Variants in ZC3H3 observed in about 807,000 individuals in gnomAD.
ZC3H3 encodes zinc finger CCCH-type containing 3, also known as zinc finger CCCH domain-containing protein 3.
A neutral mutation model predicts 77.3 loss-of-function variants in ZC3H3; 36 were observed. That is an observed-to-expected ratio of 0.47 (90% CI 0.36 to 0.61). The LOEUF (loss-of-function observed/expected upper bound fraction) is 0.61. Among genes scored for constraint, ZC3H3 ranks in the 20% least tolerant of loss-of-function variants. The pLI is 0.00. For missense variants in ZC3H3, 1,331 were observed against 1,312.2 expected (o/e 1.01, Z -0.22); for synonymous variants, 626 against 555.2 (o/e 1.13, Z -1.79).
intron 8 of ZC3H3, among the ~76,000 whole-genome samples, chr8:143,466,262 G>A (rs933003259): frequency 2.0e-5 from 3 of 152,296 alleles, no homozygotes; most frequent in South Asian, 2.1e-4. Flanking sequence ...GTGGGAGGAC[G>A]AGCCACGGGC....
At position 143,467,577 on chromosome 8, in the gene ZC3H3, C is replaced by T. The variant is rs914073168; in HGVS notation, c.2175+632G>A. ...CCTCCCTCACCCAAGGCAGCCCTCA[C>T]TCCACTCGCATGCTGTGGTCACACC... On this transcript the variant is annotated intron_variant, in intron 8 of 11. Coordinates refer to ENST00000262577, the MANE Select transcript of ZC3H3 (RefSeq NM_015117.3). Among the ~76,000 whole-genome samples, 8 of 152,376 alleles carry T rather than the reference C, an allele frequency of 5.3e-5. No individual in the cohort carries two copies. The East Asian group carries it at 7.7e-4, about 15-fold the overall frequency.
intron 3 of ZC3H3, among the ~76,000 whole-genome samples, chr8:143,510,076 G>T (rs968764730): frequency 6.6e-6 from 1 of 152,194 alleles, no homozygotes; most frequent in Non-Finnish European, 1.5e-5. Context: ...ACACTCCTGC[G>T]CAGTGCTGGC....
chr8:143,505,942 G>A (rs773921187), intron 4 of ZC3H3, among the ~76,000 whole-genome samples: 3 of 152,226 alleles, frequency 2.0e-5, no homozygotes, highest in Non-Finnish European at 4.4e-5. Context: ...AGGGCAGCTG[G>A]CCAGGCTTCA....
intron 3 of ZC3H3, among the ~76,000 whole-genome samples, chr8:143,517,302 A>T (rs1822090175): frequency 2.0e-5 from 3 of 152,190 alleles, no homozygotes; most frequent in Admixed American, 2.0e-4. Flanking sequence ...GTGCAGGGGA[A>T]GGGAGGGGGC....
Position 143,440,073 on chromosome 8 carries a change from C to T in ZC3H3, c.2783G>A (p.Arg928Gln), listed in dbSNP as rs145708624. The change falls in exon 11 of 12, where the codon CGG becomes CAG. Residue 928 changes from arginine (R) to glutamine (Q), a missense_variant. This residue lies in a region of ZC3H3 where 249 missense variants were observed against 236.9 expected (regional missense o/e 1.05). Coordinates refer to ENST00000262577, the MANE Select transcript of ZC3H3 (RefSeq NM_015117.3). ...SPSPGAQPRV[R>Q]APRAPLTKDS... ...CTTGGTGAGGGGGGCCCTAGGGGCC[C>T]GGACCCTGGGCTGGGCTCCTGGGCT... 4.7e-5 allele frequency: 74 copies of T among 1,588,552 alleles called. No individual in the cohort carries two copies. The highest frequency in any genetic ancestry group is 8.0e-5 in the South Asian group (7 of 87,752).
At chr8:143,490,212 C>T (rs914414310) in intron 4 of ZC3H3, among the ~76,000 whole-genome samples, 8 of 152,192 alleles carry the variant, frequency 5.3e-5, no homozygotes, top group Admixed American at 2.6e-4. Flanking sequence ...GGAGGCCCCC[C>T]GGGGCCTGGA....
intron 2 of ZC3H3, among the ~76,000 whole-genome samples, chr8:143,536,813 C>T (rs140187532): frequency 2.8e-4 from 43 of 152,226 alleles, no homozygotes; most frequent in African/African-American, 9.4e-4. Flanking sequence ...GGGCCGACAT[C>T]CCTGAGGAGA....
At chr8:143,483,773 T>G (rs994058248) in intron 4 of ZC3H3, among the ~76,000 whole-genome samples, 6 of 152,166 alleles carry the variant, frequency 3.9e-5, no homozygotes, top group African/African-American at 1.4e-4. Flanking sequence ...TCTGGCCCCC[T>G]ATCCTCCAAA....
At chr8:143,478,099 G>A (rs1315454587) in intron 4 of ZC3H3, among the ~76,000 whole-genome samples, 2 of 152,178 alleles carry the variant, frequency 1.3e-5, no homozygotes, top group South Asian at 2.1e-4. Context: ...CAGGAAGGAC[G>A]AGCAGGCAAC....
At chr8:143,472,679 C>T (rs1232889035) in intron 5 of ZC3H3, among the ~76,000 whole-genome samples, 8 of 152,218 alleles carry the variant, frequency 5.3e-5, no homozygotes, top group Non-Finnish European at 4.4e-5. Context: ...CCCACACAGG[C>T]CCACCCAGCC....
intron 9 of ZC3H3, 115 bp from the exon 10 acceptor site, chr8:143,441,235 C>G: frequency 7.1e-6 from 8 of 1,127,992 alleles, no homozygotes; most frequent in Non-Finnish European, 9.2e-6. Context: ...CCATAGGCTC[C>G]GTCCAAGTCT....
intron 4 of ZC3H3, among the ~76,000 whole-genome samples, chr8:143,495,014 G>A (rs561102460): frequency 1.3e-5 from 2 of 152,296 alleles, no homozygotes; most frequent in South Asian, 2.1e-4. Flanking sequence ...AGAAAGGGTC[G>A]CGGCACGCTG....
At chr8:143,537,865 C>G (rs971916423) in intron 2 of ZC3H3, 138 bp downstream of exon 2, 2 of 987,316 alleles carry the variant, frequency 2.0e-6, no homozygotes, top group Non-Finnish European at 3.0e-6. Flanking sequence ...ACCACAGCAG[C>G]ACTTCCTGCC....
chr8:143,450,304 C>T (rs1819956607), intron 9 of ZC3H3, among the ~76,000 whole-genome samples: 1 of 152,204 alleles, frequency 6.6e-6, no homozygotes, highest in African/African-American at 2.4e-5. Flanking sequence ...CCTCAGCCTC[C>T]CAAGTAGCTG....
At chr8:143,478,301 G>A (rs1013118940) in intron 4 of ZC3H3, among the ~76,000 whole-genome samples, 12 of 152,182 alleles carry the variant, frequency 7.9e-5, no homozygotes, top group South Asian at 4.1e-4. Context: ...GGCGAGGCCC[G>A]GGCTGCAGCA....
In ZC3H3 at chr8:143,440,211, G is replaced by A. The variant is rs1162515972; in HGVS notation, c.2645C>T (p.Pro882Leu). Residue 882 changes from proline (P) to leucine (L), a missense_variant, in exon 11 of 12, where the codon CCT becomes CTT. Pro to Leu is a moderately conservative substitution (Grantham distance 98). Coordinates refer to ENST00000262577, the MANE Select transcript of ZC3H3 (RefSeq NM_015117.3). ...TGCCTCGTGGTCCAAGGAAGCGGGAGGGGATGAGGAGGAGGAGGAGGAGGA... is the reference window on the plus strand; with the variant it reads ...TGCCTCGTGGTCCAAGGAAGCGGGAAGGGATGAGGAGGAGGAGGAGGAGGA... Reference protein sequence around the residue: ...ASSSSSSSSSPPASLDHEAPS... With the variant: ...ASSSSSSSSSLPASLDHEAPS... 1 of 1,607,946 alleles carries A rather than the reference G, an allele frequency of 6.2e-7. No homozygotes were observed. Among genetic ancestry groups the A allele is most frequent in the Non-Finnish European group, 8.5e-7 (1 of 1,177,486 alleles).
chr8:143,494,776 G>A lies in ZC3H3; in HGVS notation c.1715+12970C>T, dbSNP rs1821301144. Among the ~76,000 whole-genome samples, 1 of 152,222 alleles carries A rather than the reference G, an allele frequency of 6.6e-6. No homozygotes were observed. The highest frequency in any genetic ancestry group is 2.1e-4 in the South Asian group (1 of 4,828). On this transcript the variant is annotated intron_variant, in intron 4 of 11. Coordinates refer to ENST00000262577, the MANE Select transcript of ZC3H3 (RefSeq NM_015117.3). This position sits in a 1 kb window ranked among gnomAD's most constrained non-coding sequence, Gnocchi z 5.3. ...GGTAAGGCTGGCTCAGCAAGGTGGG[G>A]AAGGGGGCCTCCTGCAGTCAAGAAT...
intron 9 of ZC3H3, among the ~76,000 whole-genome samples, chr8:143,442,234 T>C (rs1368033649): frequency 6.6e-6 from 1 of 152,046 alleles, no homozygotes; most frequent in Admixed American, 6.5e-5. Flanking sequence ...GAAGCCAGGC[T>C]CAGGCCAGTG....
intron 3 of ZC3H3, among the ~76,000 whole-genome samples, chr8:143,522,963 C>A (rs1822298831): frequency 6.6e-6 from 1 of 152,198 alleles, no homozygotes; most frequent in East Asian, 1.9e-4. Flanking sequence ...CAGCAAGAGT[C>A]CTGTCCTGGG....
Sources: gnomAD v4.1 joint callset for allele counts (sites outside exome capture counted in the v4.1 genomes callset) on GRCh38, gnomAD v4.1.1 for gene constraint, gnomAD v4.1.1 regional missense constraint, Gnocchi (gnomAD v3.1) non-coding constraint, MANE v1.5 for transcripts, NCBI Gene and HGNC (gene_info 2026-07-23, HGNC 2026-07-21) for gene names.